KIRREL3: variants seen among roughly 807,000 people sequenced by gnomAD.
KIRREL3 encodes the protein kin of IRRE-like protein 3.
KIRREL3 carries 36 observed loss-of-function variants against 89.7 expected under a neutral mutation model. The observed-to-expected ratio is 0.40, with a 90% CI of 0.31 to 0.53. KIRREL3 has a LOEUF of 0.53. Ranked by LOEUF, KIRREL3 falls within the 20% of genes least tolerant of loss-of-function variation. KIRREL3 has a pLI of 0.49. For missense variants in KIRREL3, 864 were observed against 1,056.6 expected (o/e 0.82, Z 2.53); for synonymous variants, 445 against 441.4 (o/e 1.01, Z -0.10).
At chr11:126,930,657 C>A (rs764356883) in intron 1 of KIRREL3, among the ~76,000 whole-genome samples, 5 of 152,210 alleles carry the variant, frequency 3.3e-5, no homozygotes, top group Non-Finnish European at 7.3e-5. Context: ...GCTTCATCCC[C>A]TGACTACCAC....
Position 126,664,575 on chromosome 11 carries a change from T to C in KIRREL3, c.56-101663A>G, listed in dbSNP as rs1189745825. Among the ~76,000 whole-genome samples, 1 of 152,222 alleles carries C rather than the reference T, an allele frequency of 6.6e-6. No homozygotes were observed. Among genetic ancestry groups the C allele is most frequent in the African/African-American group, 2.4e-5 (1 of 41,458 alleles). ...GGATGAAGAAGTTCGGCCTCACCTC[T>C]TGAGGATCATTTCTACAGCAGAGCT... is the stretch of plus-strand genomic sequence containing the variant. On this transcript the variant is annotated intron_variant, in intron 1 of 16. Coordinates refer to ENST00000525144, the MANE Select transcript of KIRREL3 (RefSeq NM_032531.4). This position sits in a 1 kb window ranked among gnomAD's most constrained non-coding sequence, Gnocchi z 5.4.
intron 7 of KIRREL3, among the ~76,000 whole-genome samples, chr11:126,452,751 C>A (rs562058850): frequency 6.6e-6 from 1 of 152,136 alleles, no homozygotes; most frequent in Admixed American, 6.5e-5. Context: ...GGAAGAGGAC[C>A]GGAGCCGCTG....
At chr11:126,728,495 G>A (rs1948481762) in intron 1 of KIRREL3, among the ~76,000 whole-genome samples, 1 of 152,050 alleles carries the variant, frequency 6.6e-6, no homozygotes, top group African/African-American at 2.4e-5. Flanking sequence ...TATTCCCAGG[G>A]CCAAGCACCC....
Position 126,993,127 on chromosome 11 carries a change from G to T in KIRREL3, c.55+7328C>A, listed in dbSNP as rs1273867251. 2.0e-5 allele frequency among the ~76,000 whole-genome samples: 3 copies of T among 152,144 alleles called. No homozygotes were observed. Among genetic ancestry groups the T allele is most frequent in the African/African-American group, 7.2e-5 (3 of 41,432 alleles). On this transcript the variant is annotated intron_variant, in intron 1 of 16. Coordinates refer to ENST00000525144, the MANE Select transcript of KIRREL3 (RefSeq NM_032531.4). This position sits in a 1 kb window ranked among gnomAD's most constrained non-coding sequence, Gnocchi z 6.1. ...CCATGTGAAACACAAGAAATACCAA[G>T]AAGTAAAAATAACATGTTGATCCCT...
At position 126,710,623 on chromosome 11, in the gene KIRREL3, T is replaced by C. The variant is rs546674213; in HGVS notation, c.56-147711A>G. 6.6e-6 allele frequency among the ~76,000 whole-genome samples: 1 copy of C among 152,276 alleles called. No homozygotes were observed. Among genetic ancestry groups the C allele is most frequent in the Non-Finnish European group, 1.5e-5 (1 of 68,018 alleles). On this transcript the variant is annotated intron_variant, in intron 1 of 16. Transcript: ENST00000525144. This position sits in a 1 kb window ranked among gnomAD's most constrained non-coding sequence, Gnocchi z 4.2. The stretch of plus-strand genomic sequence containing the variant: ...TACTAGGGCAGGCACCCCTTCTCTG[T>C]CCTCAGCTGGGGACCCCTCTCATCC...
intron 1 of KIRREL3, among the ~76,000 whole-genome samples, chr11:126,663,162 G>A (rs1945496016): frequency 1.4e-5 from 2 of 144,116 alleles, no homozygotes; most frequent in African/African-American, 2.5e-5. Flanking sequence ...ATGTGGGGGA[G>A]GTTTTGATAT....
At chr11:126,673,442 T>A (rs1222127195) in intron 1 of KIRREL3, among the ~76,000 whole-genome samples, 1 of 152,254 alleles carries the variant, frequency 6.6e-6, no homozygotes, top group Non-Finnish European at 1.5e-5. Flanking sequence ...TGGATCCAGA[T>A]GGATAGTATT....
At chr11:126,618,934 C>T (rs186589825) in intron 1 of KIRREL3, among the ~76,000 whole-genome samples, 24 of 152,320 alleles carry the variant, frequency 1.6e-4, no homozygotes, top group Admixed American at 5.9e-4. Flanking sequence ...ATATTTAATA[C>T]GTGTCCACTG....
chr11:126,815,508 T>C (rs1256066866), intron 1 of KIRREL3, among the ~76,000 whole-genome samples: 4 of 152,178 alleles, frequency 2.6e-5, no homozygotes, highest in African/African-American at 7.2e-5. Context: ...TGTAGTAGCA[T>C]TTCATAAATG....
Position 126,908,569 on chromosome 11 carries a change from G to A in KIRREL3, c.55+91886C>T, listed in dbSNP as rs774140949. On this transcript the variant is annotated intron_variant, in intron 1 of 16. Transcript: ENST00000525144. The surrounding 1 kb of genome is among the most constrained non-coding windows in gnomAD (Gnocchi z 4.2). ...GAACAGGGCAGGGCATAGGGTAAACGTTCTAGAAACACTGGCTATTACTAT... is the reference window on the plus strand; with the variant it reads ...GAACAGGGCAGGGCATAGGGTAAACATTCTAGAAACACTGGCTATTACTAT... 5.3e-5 allele frequency among the ~76,000 whole-genome samples: 8 copies of A among 152,186 alleles called. No homozygotes were observed. Among genetic ancestry groups the A allele is most frequent in the Non-Finnish European group, 8.8e-5 (6 of 68,038 alleles).
At position 126,924,152 on chromosome 11, in the gene KIRREL3, G is replaced by C. The variant is rs1378020028; in HGVS notation, c.55+76303C>G. ...CAGTGGTCTTATGGCTGGTAGCCCA[G>C]GCAGCTCTTGATCCTGTCCCCTGGG... On this transcript the variant is annotated intron_variant, in intron 1 of 16. Transcript: ENST00000525144. This position sits in a 1 kb window ranked among gnomAD's most constrained non-coding sequence, Gnocchi z 4.7. 6.6e-6 allele frequency among the ~76,000 whole-genome samples: 1 copy of C among 152,130 alleles called. No homozygotes were observed. The highest frequency in any genetic ancestry group is 6.5e-5 in the Admixed American group (1 of 15,280).
In KIRREL3 at chr11:126,676,130, T is replaced by C. The variant is rs1329976350; in HGVS notation, c.56-113218A>G. On this transcript the variant is annotated intron_variant, in intron 1 of 16. Coordinates refer to ENST00000525144, the MANE Select transcript of KIRREL3 (RefSeq NM_032531.4). This position sits in a 1 kb window ranked among gnomAD's most constrained non-coding sequence, Gnocchi z 4.5. ...GGTTTGGGGACATTCAGGTGTTTCA[T>C]TGTTTGGCCATGTAGGTCTAGAGCT... 2.6e-5 allele frequency among the ~76,000 whole-genome samples: 4 copies of C among 152,132 alleles called. No individual in the cohort carries two copies. The highest frequency in any genetic ancestry group is 9.7e-5 in the African/African-American group (4 of 41,432).
chr11:126,932,260 C>G (rs1947978247), intron 1 of KIRREL3, among the ~76,000 whole-genome samples: 1 of 152,158 alleles, frequency 6.6e-6, no homozygotes, highest in African/African-American at 2.4e-5. Context: ...GAGGAGGGCC[C>G]TATTTCAAGG....
intron 1 of KIRREL3, among the ~76,000 whole-genome samples, chr11:126,947,223 T>C (rs545490519): frequency 9.2e-5 from 14 of 152,174 alleles, no homozygotes; most frequent in Non-Finnish European, 2.1e-4. Flanking sequence ...GCTTCACTAG[T>C]TCTCATTTTC....
chr11:126,598,635 C>A (rs901534634), intron 1 of KIRREL3, among the ~76,000 whole-genome samples: 2 of 152,194 alleles, frequency 1.3e-5, no homozygotes, highest in African/African-American at 4.8e-5. Context: ...TACTCCTGGT[C>A]TTCATTTTAT....
At chr11:126,452,445 C>A (rs991479418) in intron 7 of KIRREL3, among the ~76,000 whole-genome samples, 2 of 152,206 alleles carry the variant, frequency 1.3e-5, no homozygotes, top group Non-Finnish European at 2.9e-5. Flanking sequence ...TGAGGCCAAG[C>A]GGGCAGCTGG....
At chr11:126,856,299 C>T (rs1944505688) in intron 1 of KIRREL3, among the ~76,000 whole-genome samples, 1 of 152,054 alleles carries the variant, frequency 6.6e-6, no homozygotes, top group Non-Finnish European at 1.5e-5. Context: ...AGCTTTGCTT[C>T]TGCATTGAAA....
intron 1 of KIRREL3, among the ~76,000 whole-genome samples, chr11:126,792,893 T>C (rs75400027): frequency 0.034 from 5,236 of 152,080 alleles, 298 homozygotes; most frequent in African/African-American, 0.12. Flanking sequence ...AATAAGAAGA[T>C]GAAAAACAGT....
At chr11:126,815,708 T>C (rs1031056067) in intron 1 of KIRREL3, among the ~76,000 whole-genome samples, 9 of 152,172 alleles carry the variant, frequency 5.9e-5, no homozygotes, top group African/African-American at 2.2e-4. Context: ...TAATTTTTTG[T>C]ATGTTTTTAG....
Sources: allele counts gnomAD v4.1 joint callset (sites outside exome capture counted in the v4.1 genomes callset), GRCh38; gene constraint gnomAD v4.1.1; non-coding constraint Gnocchi (gnomAD v3.1); transcripts MANE v1.5; gene names NCBI Gene and HGNC (gene_info 2026-07-23, HGNC 2026-07-21).